NLK: variants seen among roughly 807,000 people sequenced by gnomAD.
NLK encodes nemo like kinase.
A neutral mutation model predicts 59.0 loss-of-function variants in NLK; 11 were observed. That is an observed-to-expected ratio of 0.19 (90% CI 0.12 to 0.31). The LOEUF is 0.31. NLK is among the 10% of genes least tolerant of loss of function. The pLI is 1.00. For missense variants in NLK, 410 were observed against 661.1 expected (o/e 0.62, Z 4.16); for synonymous variants, 235 against 235.9 (o/e 1.00, Z 0.03).
intron 7 of NLK, among the ~76,000 whole-genome samples, chr17:28,174,251 A>G (rs1260288943): frequency 6.6e-6 from 1 of 152,268 alleles, no homozygotes; most frequent in Non-Finnish European, 1.5e-5. Flanking sequence ...AGAAGAGGAA[A>G]GGAAAATCCA....
At chr17:28,093,315 A>G (rs1904576493) in intron 1 of NLK, among the ~76,000 whole-genome samples, 1 of 152,224 alleles carries the variant, frequency 6.6e-6, no homozygotes, top group Admixed American at 6.5e-5. Flanking sequence ...ATACATACTT[A>G]ATGAAACCAA....
At chr17:28,103,181 C>G (rs1286330900) in intron 1 of NLK, among the ~76,000 whole-genome samples, 1 of 151,436 alleles carries the variant, frequency 6.6e-6, no homozygotes, top group East Asian at 2.0e-4. Context: ...TAGTCTGTTT[C>G]TTGCAACTTT....
chr17:28,117,806 G>A (rs1204396687), intron 1 of NLK, among the ~76,000 whole-genome samples: 3 of 152,024 alleles, frequency 2.0e-5, no homozygotes, highest in Admixed American at 2.0e-4. Context: ...AAAGAACTCG[G>A]CTAATATAAT....
intron 7 of NLK, among the ~76,000 whole-genome samples, chr17:28,178,568 T>G (rs1212637126): frequency 6.6e-6 from 1 of 152,352 alleles, no homozygotes. Flanking sequence ...GTCCTCTTGT[T>G]CTTCTCTTAT....
intron 1 of NLK, among the ~76,000 whole-genome samples, chr17:28,114,827 T>C (rs1371771819): frequency 6.6e-6 from 1 of 152,214 alleles, no homozygotes; most frequent in Admixed American, 6.5e-5. Context: ...TGGCAGGGTT[T>C]GATCAGGAGA....
chr17:28,172,660 G>A, intron 7 of NLK, 42 bp downstream of exon 7: 2 of 1,170,562 alleles, frequency 1.7e-6, no homozygotes, highest in Non-Finnish European at 1.2e-6. Flanking sequence ...CCATCTGTTT[G>A]GGCAAGATTT....
intron 1 of NLK, among the ~76,000 whole-genome samples, chr17:28,055,480 G>C (rs1241983316): frequency 1.3e-5 from 2 of 151,730 alleles, no homozygotes; most frequent in African/African-American, 4.8e-5. Context: ...GGGACTGTAG[G>C]TGTAACCCAC....
At chr17:28,187,647 G>C (rs1909167236) in intron 8 of NLK, among the ~76,000 whole-genome samples, 1 of 152,162 alleles carries the variant, frequency 6.6e-6, no homozygotes, top group African/African-American at 2.4e-5. Flanking sequence ...GGAAGGTAGT[G>C]TTTACAGTCT....
At chr17:28,145,944 G>A (rs1465599412) in intron 3 of NLK, among the ~76,000 whole-genome samples, 1 of 152,162 alleles carries the variant, frequency 6.6e-6, no homozygotes, top group Non-Finnish European at 1.5e-5. Context: ...GATCTCAGGT[G>A]ATCCACCCAC....
At chr17:28,181,656 A>T (rs983479539) in intron 7 of NLK, among the ~76,000 whole-genome samples, 4 of 152,118 alleles carry the variant, frequency 2.6e-5, no homozygotes, top group African/African-American at 9.7e-5. Context: ...TGAATGCCAA[A>T]TATACTGTAT....
chr17:28,085,292 A>AT (rs1350845156), intron 1 of NLK, among the ~76,000 whole-genome samples: 1 of 152,200 alleles, frequency 6.6e-6, no homozygotes, highest in East Asian at 1.9e-4. Flanking sequence ...TTCCATTATC[A>AT]TCCCCCAACC....
intron 1 of NLK, among the ~76,000 whole-genome samples, chr17:28,064,177 T>G (rs1054266558): frequency 4.1e-5 from 6 of 147,666 alleles, no homozygotes; most frequent in Non-Finnish European, 9.0e-5. Context: ...TAGCAAACTT[T>G]TTTTTTTTTT....
At chr17:28,133,754 T>C (rs1057125063) in intron 3 of NLK, among the ~76,000 whole-genome samples, 1 of 152,198 alleles carries the variant, frequency 6.6e-6, no homozygotes, top group African/African-American at 2.4e-5. Context: ...ATTAATACTT[T>C]AGGCCTATGA....
intron 3 of NLK, among the ~76,000 whole-genome samples, chr17:28,145,485 T>A (rs774124373): frequency 6.6e-6 from 1 of 152,184 alleles, no homozygotes; most frequent in Non-Finnish European, 1.5e-5. Context: ...CAAAAATATG[T>A]CCTGTAGAAA....
chr17:28,091,413 G>A lies in NLK; in HGVS notation c.459-31190G>A, dbSNP rs139915714. ...AGATGTGGTAAACACTTTTATCTGG[G>A]CAATGAGTACACAGCGTTTAATTTC... On this transcript the variant is annotated intron_variant, in intron 1 of 10. Coordinates refer to ENST00000407008, the MANE Select transcript of NLK (RefSeq NM_016231.5). Among the ~76,000 whole-genome samples the A allele has an allele frequency of 2.8e-3, 427 of 151,668 alleles. 5 individuals are homozygous for A. Among genetic ancestry groups the A allele is most frequent in the African/African-American group, 9.6e-3 (399 of 41,378 alleles).
intron 3 of NLK, among the ~76,000 whole-genome samples, chr17:28,160,347 A>G (rs1430836159): frequency 6.6e-6 from 1 of 152,242 alleles, no homozygotes; most frequent in Non-Finnish European, 1.5e-5. Context: ...CCCCTTTCCT[A>G]CTTGTTTTTG....
At chr17:28,101,500 A>G (rs1904900930) in intron 1 of NLK, among the ~76,000 whole-genome samples, 1 of 152,162 alleles carries the variant, frequency 6.6e-6, no homozygotes, top group Non-Finnish European at 1.5e-5. Flanking sequence ...CACATCTTTC[A>G]TTAAATTTAT....
chr17:28,087,647 A>G (rs1474772383), intron 1 of NLK, among the ~76,000 whole-genome samples: 1 of 152,220 alleles, frequency 6.6e-6, no homozygotes, highest in African/African-American at 2.4e-5. Context: ...TGTAGAAGAG[A>G]AGGAAGATAA....
intron 3 of NLK, among the ~76,000 whole-genome samples, chr17:28,137,497 G>C (rs1184934019): frequency 6.6e-6 from 1 of 152,042 alleles, no homozygotes; most frequent in Non-Finnish European, 1.5e-5. Flanking sequence ...ACATATTCAA[G>C]TTTTAATAGA....
Sources: allele counts gnomAD v4.1 joint callset (sites outside exome capture counted in the v4.1 genomes callset), GRCh38; gene constraint gnomAD v4.1.1; transcripts MANE v1.5; gene names NCBI Gene and HGNC (gene_info 2026-07-23, HGNC 2026-07-21).